EPB41L4A: variants seen among roughly 807,000 people sequenced by gnomAD.
EPB41L4A encodes erythrocyte membrane protein band 4.1 like 4A.
In EPB41L4A, 100 loss-of-function variants were observed where a neutral mutation model predicts 108.6. The ratio of observed to expected loss-of-function variants is 0.92; its 90% confidence interval spans 0.78 to 1.09. EPB41L4A has a LOEUF of 1.09. EPB41L4A is among the 50% of genes least tolerant of loss of function. EPB41L4A has a pLI of 0.00. For synonymous variants in EPB41L4A, 319 were observed against 289.0 expected (o/e 1.10, Z -1.05); for missense variants, 1,030 against 842.7 (o/e 1.22, Z -2.75).
intron 4 of EPB41L4A, among the ~76,000 whole-genome samples, chr5:112,274,211 T>C (rs536254467): frequency 3.9e-5 from 6 of 152,168 alleles, no homozygotes; most frequent in Middle Eastern, 3.4e-3. Flanking sequence ...ACCCAGGAGT[T>C]TGAGGTCACA....
intron 2 of EPB41L4A, among the ~76,000 whole-genome samples, chr5:112,288,402 T>C (rs1753421910): frequency 6.6e-6 from 1 of 152,142 alleles, no homozygotes; most frequent in Admixed American, 6.6e-5. Context: ...ACTCCCAATC[T>C]TCCTTAGGCA....
At chr5:112,159,355 CT>C (rs907098339), downstream of EPB41L4A, among the ~76,000 whole-genome samples, 8 of 152,192 alleles carry the variant, frequency 5.3e-5, no homozygotes, top group Non-Finnish European at 1.0e-4. Context: ...TCTGCTAGGA[CT>C]TAGAGAAACA....
At position 112,163,154 on chromosome 5, in the gene EPB41L4A, C is replaced by G. The variant is rs1385431054; in HGVS notation, c.*1836G>C. 1 of 152,068 alleles carries G rather than the reference C, an allele frequency of 6.6e-6. No individual in the cohort carries two copies. Among genetic ancestry groups the G allele is most frequent in the African/African-American group, 2.4e-5 (1 of 41,404 alleles). The allele number at this position is 152,068 out of a possible 1,614,324, so 9.4% of individuals were successfully genotyped here. On this transcript the variant is annotated 3_prime_UTR_variant, in exon 23 of 23. Coordinates refer to ENST00000261486, the MANE Select transcript of EPB41L4A (RefSeq NM_022140.5). ...GCTTATTGTTGTCTAGACAAGAGACCAGCTTGGACTAGTAAAATTAGTGAA... is the reference window on the plus strand; with the variant it reads ...GCTTATTGTTGTCTAGACAAGAGACGAGCTTGGACTAGTAAAATTAGTGAA...
intron 1 of EPB41L4A, among the ~76,000 whole-genome samples, chr5:112,352,499 T>G (rs1258481869): frequency 6.6e-6 from 1 of 152,202 alleles, no homozygotes; most frequent in South Asian, 2.1e-4. Flanking sequence ...TTTAAAAAAT[T>G]TGTTGGGACT....
intron 1 of EPB41L4A, among the ~76,000 whole-genome samples, chr5:112,411,058 A>G (rs1762381891): frequency 6.6e-6 from 1 of 152,266 alleles, no homozygotes; most frequent in East Asian, 1.9e-4. Context: ...GTAGTTTGCA[A>G]TGGTATCTCC....
intron 1 of EPB41L4A, among the ~76,000 whole-genome samples, chr5:112,361,764 G>T (rs1219917845): frequency 6.6e-6 from 1 of 151,870 alleles, no homozygotes; most frequent in African/African-American, 2.4e-5. Flanking sequence ...GTGTGCACCT[G>T]TGGTCACATT....
chr5:112,362,937 T>G (rs7724849), intron 1 of EPB41L4A, among the ~76,000 whole-genome samples: 3,817 of 152,074 alleles, frequency 0.025, 140 homozygotes, highest in African/African-American at 0.087. Context: ...AAAGGCAAGA[T>G]TTCAGAAACC....
At chr5:112,212,602 A>G (rs1747270410) in intron 12 of EPB41L4A, among the ~76,000 whole-genome samples, 1 of 151,996 alleles carries the variant, frequency 6.6e-6, no homozygotes, top group Non-Finnish European at 1.5e-5. Flanking sequence ...GCCCCCTAAC[A>G]TTAGTATTTT....
intron 12 of EPB41L4A, among the ~76,000 whole-genome samples, chr5:112,220,923 G>C (rs1424455234): frequency 6.6e-6 from 1 of 152,114 alleles, no homozygotes; most frequent in African/African-American, 2.4e-5. Flanking sequence ...ATTACCATTA[G>C]AATATACCCT....
At chr5:112,406,558 A>G (rs1762085849) in intron 1 of EPB41L4A, among the ~76,000 whole-genome samples, 1 of 152,138 alleles carries the variant, frequency 6.6e-6, no homozygotes, top group East Asian at 1.9e-4. Flanking sequence ...CCTAACCAGG[A>G]AGAGTTCTAC....
At chr5:112,280,724 T>C (rs1454058775) in intron 2 of EPB41L4A, among the ~76,000 whole-genome samples, 2 of 152,192 alleles carry the variant, frequency 1.3e-5, no homozygotes, top group Admixed American at 6.5e-5. Context: ...GGGTCCCTGG[T>C]TGAATTATCA....
At chr5:112,179,622 C>A (rs578144201) in intron 18 of EPB41L4A, among the ~76,000 whole-genome samples, 1 of 152,106 alleles carries the variant, frequency 6.6e-6, no homozygotes, top group Admixed American at 6.5e-5. Context: ...ACTCAAGACC[C>A]ATTCATGATC....
intron 4 of EPB41L4A, among the ~76,000 whole-genome samples, chr5:112,271,965 G>T (rs927575270): frequency 1.3e-5 from 2 of 151,932 alleles, no homozygotes; most frequent in African/African-American, 2.4e-5. Flanking sequence ...AACACAAGCG[G>T]GGACTCCAAG....
chr5:112,168,854 A>T, intron 21 of EPB41L4A, 34 bp from the exon 22 acceptor site: 1 of 1,559,136 alleles, frequency 6.4e-7, no homozygotes, highest in Non-Finnish European at 8.8e-7. Context: ...TAGTGACTGG[A>T]ACAGTATCTA....
chr5:112,209,862 T>G (rs1762647766), intron 13 of EPB41L4A, 30 bp downstream of exon 13: 2 of 1,368,890 alleles, frequency 1.5e-6, no homozygotes, highest in Non-Finnish European at 2.1e-6. Flanking sequence ...CAGCATATAA[T>G]TGTACGTTTC....
At chr5:112,314,534 A>AAAAAAAAAAAAAAAAAAAAAAAAG (rs1755291445) in intron 1 of EPB41L4A, among the ~76,000 whole-genome samples, 1 of 133,830 alleles carries the variant, frequency 7.5e-6, no homozygotes. Flanking sequence ...AAAAAAAAAA[A>AAAAAAAAAAAAAAAAAAAAAAAAG]AAAAGAAAAG....
intron 12 of EPB41L4A, among the ~76,000 whole-genome samples, chr5:112,211,747 C>A (rs1177395618): frequency 6.6e-6 from 1 of 152,164 alleles, no homozygotes; most frequent in Non-Finnish European, 1.5e-5. Flanking sequence ...GCTTACCCAT[C>A]AGGAAAGATA....
chr5:112,383,826 A>T, intron 1 of EPB41L4A, among the ~76,000 whole-genome samples: 1 of 152,200 alleles, frequency 6.6e-6, no homozygotes, highest in Non-Finnish European at 1.5e-5. Context: ...CAGTCAACAA[A>T]CTATATTGGG....
chr5:112,201,594 T>A (rs1241773654), intron 15 of EPB41L4A, among the ~76,000 whole-genome samples: 1 of 152,208 alleles, frequency 6.6e-6, no homozygotes, highest in African/African-American at 2.4e-5. Context: ...ACTAATTAAT[T>A]AAGGGTAGAA....
Sources: allele counts gnomAD v4.1 joint callset (sites outside exome capture counted in the v4.1 genomes callset), GRCh38; gene constraint gnomAD v4.1.1; transcripts MANE v1.5; gene names NCBI Gene and HGNC (gene_info 2026-07-23, HGNC 2026-07-21).